CAMTA1: variants seen among roughly 807,000 people sequenced by gnomAD.
CAMTA1 encodes the protein calmodulin-binding transcription activator 1.
Under a neutral mutation model 170.9 loss-of-function variants are expected in CAMTA1, and 27 were observed. The observed-to-expected ratio is 0.16, with a 90% CI of 0.12 to 0.22. CAMTA1 has a LOEUF of 0.22. Among genes scored for constraint, CAMTA1 ranks in the 10% least tolerant of loss-of-function variants. CAMTA1 has a pLI of 1.00. For synonymous variants in CAMTA1, 833 were observed against 891.5 expected (o/e 0.93, Z 1.17); for missense variants, 1,619 against 2,217.2 (o/e 0.73, Z 5.42).
At chr1:6,851,783 G>T (rs904606840) in intron 3 of CAMTA1, among the ~76,000 whole-genome samples, 4 of 152,242 alleles carry the variant, frequency 2.6e-5, no homozygotes, top group Admixed American at 2.0e-4. Flanking sequence ...GGAGGCTGAG[G>T]TGGGCAGATC....
At chr1:7,330,039 A>G (rs4908620) in intron 5 of CAMTA1, among the ~76,000 whole-genome samples, 100,497 of 151,908 alleles carry the variant, frequency 0.66, 33,575 homozygotes, top group East Asian at 0.84. Flanking sequence ...TTCTTCCCCA[A>G]CACTTTCTCT....
At chr1:6,789,804 C>CTTTTT (rs34542033) in intron 1 of CAMTA1, among the ~76,000 whole-genome samples, 103 of 85,666 alleles carry the variant, frequency 1.2e-3, no homozygotes, top group East Asian at 3.8e-3. Context: ...TTTAGTGTAT[C>CTTTTT]TTTTTTTTTT....
At chr1:7,533,576 G>T (rs2094515928) in intron 6 of CAMTA1, among the ~76,000 whole-genome samples, 1 of 152,198 alleles carries the variant, frequency 6.6e-6, no homozygotes, top group African/African-American at 2.4e-5. Flanking sequence ...GGTGTGGACA[G>T]TTGGGGTCTG....
rs1162795254 is a variant in CAMTA1 at position 6,970,635 on chromosome 1, G to A, written c.235-120669G>A. Reference sequence around the variant, plus strand: ...GATGTTGGGATGGGAGAGACAAGCAGGCAATAGTTAGGAATGTGATCGATG... The same window carrying A: ...GATGTTGGGATGGGAGAGACAAGCAAGCAATAGTTAGGAATGTGATCGATG... On this transcript the variant is annotated intron_variant, in intron 3 of 22. Coordinates refer to ENST00000303635, the MANE Select transcript of CAMTA1 (RefSeq NM_015215.4). This position sits in a 1 kb window ranked among gnomAD's most constrained non-coding sequence, Gnocchi z 4.4. 6.6e-6 allele frequency among the ~76,000 whole-genome samples: 1 copy of A among 152,160 alleles called. No individual in the cohort carries two copies. The highest frequency in any genetic ancestry group is 1.5e-5 in the Non-Finnish European group (1 of 68,028).
intron 4 of CAMTA1, chr1:7,142,182 G>A: frequency 1.9e-6 from 1 of 517,432 alleles, no homozygotes; most frequent in Non-Finnish European, 3.9e-6. Context: ...CTCCCAGGCT[G>A]TGGGCAGAAT....
chr1:7,480,570 T>C (rs978905700), intron 6 of CAMTA1, among the ~76,000 whole-genome samples: 1 of 152,118 alleles, frequency 6.6e-6, no homozygotes, highest in Non-Finnish European at 1.5e-5. Context: ...AGAAGGTCAC[T>C]GTGCCATCGT....
chr1:7,173,360 A>G lies in CAMTA1; in HGVS notation c.303-76131A>G, dbSNP rs964200098. Among the ~76,000 whole-genome samples the G allele has an allele frequency of 6.6e-6, 1 of 151,870 alleles. No homozygotes were observed. The highest frequency in any genetic ancestry group is 2.4e-5 in the African/African-American group (1 of 41,328). On this transcript the variant is annotated intron_variant, in intron 4 of 22. Coordinates refer to ENST00000303635, the MANE Select transcript of CAMTA1 (RefSeq NM_015215.4). The surrounding 1 kb of genome is among the most constrained non-coding windows in gnomAD (Gnocchi z 5.4). ...TCCACGAACGCTGGCTCCCTTCTTA[A>G]ATTTTTGTGGAACTGTGGGAACACA...
intron 3 of CAMTA1, among the ~76,000 whole-genome samples, chr1:6,993,746 A>T (rs1322632702): frequency 6.6e-6 from 1 of 151,972 alleles, no homozygotes; most frequent in African/African-American, 2.4e-5. Flanking sequence ...TTCTATTTAA[A>T]ATGTGTTTCT....
At chr1:7,380,919 G>A (rs1249218374) in intron 5 of CAMTA1, among the ~76,000 whole-genome samples, 1 of 152,126 alleles carries the variant, frequency 6.6e-6, no homozygotes, top group Non-Finnish European at 1.5e-5. Context: ...TGGCTAGTTG[G>A]AATTTATTGA....
At chr1:7,415,812 C>T (rs1265987141) in intron 5 of CAMTA1, among the ~76,000 whole-genome samples, 3 of 152,140 alleles carry the variant, frequency 2.0e-5, no homozygotes, top group Non-Finnish European at 4.4e-5. Context: ...ATGATGTTAG[C>T]TGGTTATTTT....
rs1324669367 is a variant in CAMTA1 at position 7,665,417 on chromosome 1, A to T, written c.2652+218A>T. Reference sequence around the variant, plus strand: ...ACTTCACTGGGGCAAGTAGCTTTAAAGTCAGGGGGTCTTTGGCCGGGTGCC... The same window carrying T: ...ACTTCACTGGGGCAAGTAGCTTTAATGTCAGGGGGTCTTTGGCCGGGTGCC... On this transcript the variant is annotated intron_variant, in intron 9 of 22. Coordinates refer to ENST00000303635, the MANE Select transcript of CAMTA1 (RefSeq NM_015215.4). This position sits in a 1 kb window ranked among gnomAD's most constrained non-coding sequence, Gnocchi z 4.3. Among the ~76,000 whole-genome samples the T allele has an allele frequency of 1.3e-5, 2 of 152,230 alleles. No homozygotes were observed. Among genetic ancestry groups the T allele is most frequent in the Non-Finnish European group, 2.9e-5 (2 of 68,042 alleles).
intron 4 of CAMTA1, among the ~76,000 whole-genome samples, chr1:7,103,653 A>G (rs1307304317): frequency 2.7e-5 from 4 of 149,764 alleles, no homozygotes; most frequent in East Asian, 2.0e-4. Context: ...ACACAACACA[A>G]CACATGTACA....
chr1:7,415,836 T>C (rs1250354203), intron 5 of CAMTA1, among the ~76,000 whole-genome samples: 1 of 152,236 alleles, frequency 6.6e-6, no homozygotes, highest in African/African-American at 2.4e-5. Context: ...CATTAGTTGA[T>C]GCAGTTTCTT....
rs545985010 is a variant in CAMTA1 at position 7,609,084 on chromosome 1, C to A, written c.511-31316C>A. On this transcript the variant is annotated intron_variant, in intron 6 of 22. Transcript: ENST00000303635. The surrounding 1 kb of genome is among the most constrained non-coding windows in gnomAD (Gnocchi z 4.4). ...GGGTGGGGGCAGTGCTGAGTCACTT[C>A]CTGCCAGAGGACAGGGTCTGAACTC... Among the ~76,000 whole-genome samples the A allele has an allele frequency of 6.6e-6, 1 of 152,284 alleles. No individual in the cohort carries two copies. Among genetic ancestry groups the A allele is most frequent in the East Asian group, 1.9e-4 (1 of 5,134 alleles).
At chr1:7,228,238 C>T (rs765365354) in intron 4 of CAMTA1, among the ~76,000 whole-genome samples, 6 of 152,214 alleles carry the variant, frequency 3.9e-5, no homozygotes, top group African/African-American at 7.2e-5. Flanking sequence ...GTATGGTTAT[C>T]GAAATCCAGA....
chr1:7,163,312 T>G, intron 4 of CAMTA1, among the ~76,000 whole-genome samples: 2 of 94,798 alleles, frequency 2.1e-5, no homozygotes, highest in African/African-American at 4.4e-5. Context: ...GAAAGGTCAC[T>G]GGATGGGGGG....
intron 3 of CAMTA1, chr1:6,871,687 C>CGAA (rs1668447863): frequency 7.3e-7 from 1 of 1,368,302 alleles, no homozygotes; most frequent in Non-Finnish European, 1.0e-6. Flanking sequence ...ACAGTGGAAT[C>CGAA]TTTTCAAGAG....
At chr1:6,942,189 A>G (rs1346147081) in intron 3 of CAMTA1, among the ~76,000 whole-genome samples, 1 of 152,134 alleles carries the variant, frequency 6.6e-6, no homozygotes, top group Non-Finnish European at 1.5e-5. Flanking sequence ...CACCCTGTTC[A>G]GAATTTTTAA....
intron 6 of CAMTA1, among the ~76,000 whole-genome samples, chr1:7,612,399 G>A (rs181909727): frequency 7.9e-5 from 12 of 152,230 alleles, no homozygotes; most frequent in Admixed American, 4.6e-4. Flanking sequence ...TTTCTCTGCC[G>A]TGCCACTGTG....
Sources: allele counts gnomAD v4.1 joint callset (sites outside exome capture counted in the v4.1 genomes callset), GRCh38; gene constraint gnomAD v4.1.1; non-coding constraint Gnocchi (gnomAD v3.1); transcripts MANE v1.5; gene names NCBI Gene and HGNC (gene_info 2026-07-23, HGNC 2026-07-21).